Variants in DSCAM observed in about 807,000 individuals in gnomAD.
The protein encoded by DSCAM is cell adhesion molecule DSCAM.
A neutral mutation model predicts 217.7 loss-of-function variants in DSCAM; 47 were observed. That is an observed-to-expected ratio of 0.22 (90% CI 0.17 to 0.28). The LOEUF (loss-of-function observed/expected upper bound fraction) is 0.28. Ranked by LOEUF, DSCAM falls within the 10% of genes least tolerant of loss-of-function variation. DSCAM has a pLI of 1.00. For synonymous variants in DSCAM, 1,056 were observed against 1,015.3 expected, an observed-to-expected ratio of 1.04 and a Z score of -0.76; for missense variants, 2,080 against 2,618.3, an observed-to-expected ratio of 0.79 and a Z score of 4.49.
intron 11 of DSCAM, among the ~76,000 whole-genome samples, chr21:40,258,020 AT>A (rs1211042018): frequency 2.6e-5 from 4 of 152,294 alleles, no homozygotes; most frequent in Non-Finnish European, 4.4e-5. Context: ...CAGACTCAGA[AT>A]TGTGAAGTGC....
intron 20 of DSCAM, among the ~76,000 whole-genome samples, chr21:40,098,897 A>T (rs1308593776): frequency 6.6e-6 from 1 of 152,092 alleles, no homozygotes; most frequent in East Asian, 1.9e-4. Flanking sequence ...ACAACACTCC[A>T]GTCACGTCTT....
At chr21:40,131,573 C>A (rs1485480628) in intron 19 of DSCAM, among the ~76,000 whole-genome samples, 2 of 152,062 alleles carry the variant, frequency 1.3e-5, no homozygotes, top group African/African-American at 4.8e-5. Context: ...TTAGAGGTGC[C>A]CACCACCACA....
At chr21:40,058,975 T>C (rs1450521642) in intron 28 of DSCAM, among the ~76,000 whole-genome samples, 2 of 152,162 alleles carry the variant, frequency 1.3e-5, no homozygotes, top group East Asian at 1.9e-4. Flanking sequence ...TTGAATAAAA[T>C]GAGAAGAAGA....
chr21:40,302,289 G>A (rs2074026025), intron 9 of DSCAM, among the ~76,000 whole-genome samples: 1 of 152,170 alleles, frequency 6.6e-6, no homozygotes, highest in African/African-American at 2.4e-5. Context: ...TTAACCACGG[G>A]GGGCGGATCT....
chr21:40,224,102 T>C (rs923510316), intron 11 of DSCAM, among the ~76,000 whole-genome samples: 3 of 152,254 alleles, frequency 2.0e-5, no homozygotes, highest in Non-Finnish European at 2.9e-5. Context: ...CGGCTAGGTA[T>C]AAAAATGGGG....
At position 40,484,261 on chromosome 21, in the gene DSCAM, G is replaced by C. The variant is rs1211918434; in HGVS notation, c.509-115016C>G. On this transcript the variant is annotated intron_variant, in intron 3 of 32. Transcript: ENST00000400454. Reference sequence around the variant, plus strand: ...GTGGAAGTGGGCAGAAATTGAGTAAGTGGGCATTAAATGCCCTATCCAGTT... The same window carrying C: ...GTGGAAGTGGGCAGAAATTGAGTAACTGGGCATTAAATGCCCTATCCAGTT... Among the ~76,000 whole-genome samples, 3 of 152,220 alleles carry C rather than the reference G, an allele frequency of 2.0e-5. No homozygotes were observed. The East Asian group carries it at 5.8e-4, about 29-fold the overall frequency.
At chr21:40,633,480 A>C (rs543610046) in intron 3 of DSCAM, among the ~76,000 whole-genome samples, 52 of 152,376 alleles carry the variant, frequency 3.4e-4, no homozygotes, top group African/African-American at 1.3e-3. Flanking sequence ...TAATAAATCA[A>C]ATAAACTATT....
intron 1 of DSCAM, among the ~76,000 whole-genome samples, chr21:40,836,699 G>T (rs138913068): frequency 1.4e-3 from 209 of 152,294 alleles, no homozygotes; most frequent in Non-Finnish European, 2.6e-3. Flanking sequence ...GGTTCATGTG[G>T]ATCAGAACAG....
chr21:40,406,058 T>C (rs566218698), intron 3 of DSCAM, among the ~76,000 whole-genome samples: 65 of 152,268 alleles, frequency 4.3e-4, no homozygotes, highest in Non-Finnish European at 3.4e-4. Context: ...ATGCTCAACA[T>C]TGCTGATCAT....
Position 40,223,959 on chromosome 21 carries a change from T to C in DSCAM, c.2357-34721A>G, listed in dbSNP as rs556606920. 7.7e-4 allele frequency among the ~76,000 whole-genome samples: 118 copies of C among 152,308 alleles called. 1 individual carries two copies. Among genetic ancestry groups the C allele is most frequent in the African/African-American group, 2.9e-4 (12 of 41,582 alleles). ...CCCCACCCCACATGCTGTGGGTCCC[T>C]GGGGAATGCACTTGCATTTCCTAGA... is the stretch of plus-strand genomic sequence containing the variant. On this transcript the variant is annotated intron_variant, in intron 11 of 32. Coordinates refer to ENST00000400454, the MANE Select transcript of DSCAM (RefSeq NM_001389.5).
chr21:40,274,390 C>T (rs966761817), intron 11 of DSCAM, among the ~76,000 whole-genome samples: 1 of 152,132 alleles, frequency 6.6e-6, no homozygotes, highest in African/African-American at 2.4e-5. Flanking sequence ...TCTCCCCTTC[C>T]AAAACATGAG....
In DSCAM at chr21:40,708,531, A is replaced by T; in HGVS notation, c.284T>A (p.Ile95Asn). 1 of 1,581,066 alleles carries T rather than the reference A, an allele frequency of 6.3e-7. No homozygotes were observed. Among genetic ancestry groups the T allele is most frequent in the Non-Finnish European group, 8.6e-7 (1 of 1,162,158 alleles). ...TGTGCAATAATAAGTATTATCATGG[A>T]TTAAGGTACTGAAGCTTGAAGGAGG... ...PFPPSSFSTL[I>N]HDNTYYCTAE... Residue 95 changes from isoleucine (I) to asparagine (N), a missense_variant, in exon 2 of 33, where the codon ATC becomes AAC. Coordinates refer to ENST00000400454, the MANE Select transcript of DSCAM (RefSeq NM_001389.5).
intron 20 of DSCAM, among the ~76,000 whole-genome samples, chr21:40,109,689 G>A (rs575102709): frequency 1.8e-4 from 28 of 152,328 alleles, no homozygotes; most frequent in Non-Finnish European, 3.4e-4. Context: ...GGTGACAGAC[G>A]GCACCTGGAA....
In DSCAM at chr21:40,338,396, C is replaced by G; in HGVS notation, c.1508-20G>C. ...CAGGCCCTGGAGAGACACAAAGAAA[C>G]TCTTGAAAATAATTTAAGGGTACAT... On this transcript the variant is annotated intron_variant, in intron 7 of 32. Transcript: ENST00000400454. The G allele has an allele frequency of 6.2e-7, 1 of 1,601,364 alleles. No homozygotes were observed. Among genetic ancestry groups the G allele is most frequent in the Non-Finnish European group, 8.5e-7 (1 of 1,171,386 alleles).
At chr21:40,687,777 C>T (rs762801391) in intron 3 of DSCAM, among the ~76,000 whole-genome samples, 2 of 152,168 alleles carry the variant, frequency 1.3e-5, no homozygotes, top group Non-Finnish European at 2.9e-5. Context: ...GCCCTAAGCG[C>T]CTACTGCAGC....
At chr21:40,468,967 G>A (rs923694664) in intron 3 of DSCAM, among the ~76,000 whole-genome samples, 2 of 152,106 alleles carry the variant, frequency 1.3e-5, no homozygotes, top group African/African-American at 4.8e-5. Context: ...CCTACATTGA[G>A]GGGCAGGAGT....
At position 40,811,198 on chromosome 21, in the gene DSCAM, C is replaced by T. The variant is rs181574391; in HGVS notation, c.43+35421G>A. On this transcript the variant is annotated intron_variant, in intron 1 of 32. Transcript: ENST00000400454. The stretch of plus-strand genomic sequence containing the variant: ...CAATGTCATCACTTTCATGCTACAG[C>T]GTGCAGAGTCAAGGAGCAAGAAACA... 3.9e-5 allele frequency among the ~76,000 whole-genome samples: 6 copies of T among 152,248 alleles called. No homozygotes were observed. The East Asian group carries it at 7.7e-4, about 20-fold the overall frequency.
At chr21:40,260,598 C>G (rs956108232) in intron 11 of DSCAM, among the ~76,000 whole-genome samples, 1 of 152,208 alleles carries the variant, frequency 6.6e-6, no homozygotes, top group Admixed American at 6.5e-5. Context: ...CACAACCAGG[C>G]ACTTGCATTC....
chr21:40,070,225 G>A (rs4818116), intron 27 of DSCAM, among the ~76,000 whole-genome samples: 34,263 of 148,764 alleles, frequency 0.23, 5,303 homozygotes, highest in African/African-American at 0.41. Flanking sequence ...GGAGAGAGAA[G>A]GGGAAAGGAA....
Sources: allele counts gnomAD v4.1 joint callset (sites outside exome capture counted in the v4.1 genomes callset), GRCh38; gene constraint gnomAD v4.1.1; transcripts MANE v1.5; gene names NCBI Gene and HGNC (gene_info 2026-07-23, HGNC 2026-07-21).